KCNQ1OT1: variants seen among roughly 807,000 people sequenced by gnomAD.
The protein encoded by KCNQ1OT1 is KCNQ1 antisense RNA 2 (non-protein coding).
chr11:2,653,092 A>G lies in KCNQ1OT1; in HGVS notation n.46903T>C, dbSNP rs1849782772. ...AACATCCTCATACAGCAGGGTGTGG[A>G]GAGAGGCTCACTGAAGGTTTGGGGA... On this transcript the variant is annotated non_coding_transcript_exon_variant, in exon 1 of 1. Transcript: ENST00000597346. The surrounding 1 kb of genome is among the most constrained non-coding windows in gnomAD (Gnocchi z 5.3). 1 of 398,728 alleles carries G rather than the reference A, an allele frequency of 2.5e-6. No homozygotes were observed. Among genetic ancestry groups the G allele is most frequent in the East Asian group, 3.6e-5 (1 of 28,074 alleles). The allele number at this position is 398,728 out of a possible 1,614,324, so 24.7% of individuals were successfully genotyped here.
In KCNQ1OT1 at chr11:2,658,364, G is replaced by A. The variant is rs1187434463; in HGVS notation, n.41631C>T. On this transcript the variant is annotated non_coding_transcript_exon_variant, in exon 1 of 1. Transcript: ENST00000597346. The surrounding 1 kb of genome is among the most constrained non-coding windows in gnomAD (Gnocchi z 4.9). ...TAATTTTATCAGTGTGGATTTGGGA[G>A]TATTTATTTTTTGAGTTATAGTCCA... The A allele has an allele frequency of 2.5e-6, 1 of 398,370 alleles. No homozygotes were observed. The highest frequency in any genetic ancestry group is 4.4e-6 in the Non-Finnish European group (1 of 226,038). 24.7% of individuals were successfully genotyped at this position (398,370 alleles called of 1,614,324 possible).
exon 1 of KCNQ1OT1, chr11:2,666,120 G>A (rs1375623450): frequency 1.5e-5 from 6 of 398,606 alleles, no homozygotes. Flanking sequence ...TCTCTGAAGG[G>A]CCCCTGTCTC....
exon 1 of KCNQ1OT1, chr11:2,699,226 C>T (rs1850729686): frequency 2.5e-6 from 1 of 398,670 alleles, no homozygotes; most frequent in Non-Finnish European, 4.4e-6. Context: ...GACCTCGACC[C>T]TGGCCACGCT....
At chr11:2,635,684 T>C (rs1308833932) in exon 1 of KCNQ1OT1, 4 of 152,178 alleles carry the variant, frequency 2.6e-5, no homozygotes, top group Admixed American at 2.0e-4. Context: ...TGGTTCCATA[T>C]GAACTTTAAA....
rs1849884939 is a variant in KCNQ1OT1 at position 2,658,132 on chromosome 11, T to TA, written n.41862dup. On this transcript the variant is annotated non_coding_transcript_exon_variant, in exon 1 of 1. Transcript: ENST00000597346. This position sits in a 1 kb window ranked among gnomAD's most constrained non-coding sequence, Gnocchi z 4.9. ...TATCAAAAAAAATCTGCAAATATGT[T>TA]AAAACTACCACAGCAATTAAAATAC... 1 of 398,482 alleles carries TA rather than the reference T, an allele frequency of 2.5e-6. No homozygotes were observed. Among genetic ancestry groups the TA allele is most frequent in the African/African-American group, 2.1e-5 (1 of 48,622 alleles). The allele number at this position is 398,482 out of a possible 1,614,324, so 24.7% of individuals were successfully genotyped here. A position where few individuals can be genotyped will look rare whatever the true frequency, so the allele number is the denominator to read the frequency against.
exon 1 of KCNQ1OT1, chr11:2,636,580 G>T (rs1448779240): frequency 6.6e-6 from 1 of 151,876 alleles, no homozygotes; most frequent in African/African-American, 2.4e-5. Flanking sequence ...TGCTGGATTC[G>T]GTTTGCCAGT....
exon 1 of KCNQ1OT1, chr11:2,646,665 C>T (rs1849670750): frequency 2.5e-6 from 1 of 398,588 alleles, no homozygotes; most frequent in East Asian, 3.6e-5. Flanking sequence ...AGCTGAACTT[C>T]AGGTGCAGGC....
At position 2,645,588 on chromosome 11, in the gene KCNQ1OT1, A is replaced by G; in HGVS notation, n.54407T>C. The G allele has an allele frequency of 5.0e-6, 2 of 398,694 alleles. No individual in the cohort carries two copies. Among genetic ancestry groups the G allele is most frequent in the Non-Finnish European group, 8.8e-6 (2 of 226,128 alleles). The allele number at this position is 398,694 out of a possible 1,614,324, so 24.7% of individuals were successfully genotyped here. On this transcript the variant is annotated non_coding_transcript_exon_variant, in exon 1 of 1. Transcript: ENST00000597346. This position sits in a 1 kb window ranked among gnomAD's most constrained non-coding sequence, Gnocchi z 5.8. ...CTATAAACAGGCAGTTGGGCAATGCATGCTTCGGCCCCAGGTGGTGACTAT... is the reference window on the plus strand; with the variant it reads ...CTATAAACAGGCAGTTGGGCAATGCGTGCTTCGGCCCCAGGTGGTGACTAT...
exon 1 of KCNQ1OT1, chr11:2,685,473 T>G (rs759825350): frequency 1.5e-5 from 6 of 398,662 alleles, no homozygotes; most frequent in Non-Finnish European, 2.7e-5. Context: ...GCAACTCCCA[T>G]CTCACAGGCC....
exon 1 of KCNQ1OT1, chr11:2,644,183 T>A (rs1040155008): frequency 3.3e-5 from 13 of 398,454 alleles, no homozygotes; most frequent in Non-Finnish European, 4.9e-5. Flanking sequence ...TAAATAGGTT[T>A]TATAATCTTT....
At chr11:2,610,494 C>A in exon 1 of KCNQ1OT1, 1 of 398,256 alleles carries the variant, frequency 2.5e-6, no homozygotes. Flanking sequence ...GGTGGTATTT[C>A]CTTACTCTAG....
Position 2,677,989 on chromosome 11 carries a change from G to A in KCNQ1OT1, n.22006C>T, listed in dbSNP as rs1359269399. On this transcript the variant is annotated non_coding_transcript_exon_variant, in exon 1 of 1. Transcript: ENST00000597346. The surrounding 1 kb of genome is among the most constrained non-coding windows in gnomAD (Gnocchi z 4.5). Reference sequence around the variant, plus strand: ...TTTACATTTCTTTTGTTGGAAATGAGGTTTTTATCTTTCCAAATGCTTAAA... The same window carrying A: ...TTTACATTTCTTTTGTTGGAAATGAAGTTTTTATCTTTCCAAATGCTTAAA... The A allele has an allele frequency of 1.3e-5, 5 of 394,366 alleles. No homozygotes were observed. Among genetic ancestry groups the A allele is most frequent in the African/African-American group, 6.4e-5 (3 of 46,632 alleles). The allele number at this position is 394,366 out of a possible 1,614,324, so 24.4% of individuals were successfully genotyped here.
rs150371794 is a variant in KCNQ1OT1, at chr11:2,642,418, A to T, written n.57577T>A. Reference sequence around the variant, plus strand: ...CTTTCTCAGCTGGTTCTTTATTGGTATATAGAAATAAGCCTGATTTTTAAA... The same window carrying T: ...CTTTCTCAGCTGGTTCTTTATTGGTTTATAGAAATAAGCCTGATTTTTAAA... On this transcript the variant is annotated non_coding_transcript_exon_variant, in exon 1 of 1. Transcript: ENST00000597346. This position sits in a 1 kb window ranked among gnomAD's most constrained non-coding sequence, Gnocchi z 4.3. 4.0e-5 allele frequency: 16 copies of T among 397,988 alleles called. No homozygotes were observed. In the East Asian group the frequency reaches 5.4e-4, roughly 13 times the overall value. The allele number at this position is 397,988 out of a possible 1,614,324, so 24.7% of individuals were successfully genotyped here. A position where few individuals can be genotyped will look rare whatever the true frequency, so the allele number is the denominator to read the frequency against.
exon 1 of KCNQ1OT1, chr11:2,649,956 A>T (rs1263395092): frequency 7.5e-6 from 3 of 398,372 alleles, no homozygotes; most frequent in Non-Finnish European, 1.3e-5. Context: ...AGTGTCTCAT[A>T]TGTCACGCAG....
exon 1 of KCNQ1OT1, chr11:2,615,805 G>T (rs368213126): frequency 1.3e-5 from 5 of 397,836 alleles, no homozygotes; most frequent in East Asian, 7.1e-5. Context: ...TTAAATAAAA[G>T]ATTTTAGTAT....
Position 2,669,800 on chromosome 11 carries a change from C to T in KCNQ1OT1, n.30195G>A. 5.0e-6 allele frequency: 2 copies of T among 398,608 alleles called. No homozygotes were observed. The highest frequency in any genetic ancestry group is 8.8e-6 in the Non-Finnish European group (2 of 226,070). 24.7% of individuals were successfully genotyped at this position (398,608 alleles called of 1,614,324 possible). On this transcript the variant is annotated non_coding_transcript_exon_variant, in exon 1 of 1. Coordinates refer to ENST00000597346, the Ensembl canonical transcript of KCNQ1OT1. This position sits in a 1 kb window ranked among gnomAD's most constrained non-coding sequence, Gnocchi z 5.6. ...TCCTGTGGGGACATTCCTTATTTGG[C>T]CTGAGAGCTTTTGAGACTGCCAGGT...
chr11:2,630,698 A>T (rs1425185391), exon 1 of KCNQ1OT1: 1 of 398,192 alleles, frequency 2.5e-6, no homozygotes, highest in African/African-American at 2.1e-5. Flanking sequence ...ATATGTTTTC[A>T]TGTTACTAAT....
At chr11:2,675,754 G>A (rs925319007) in exon 1 of KCNQ1OT1, 29 of 398,588 alleles carry the variant, frequency 7.3e-5, no homozygotes, top group Non-Finnish European at 1.1e-4. Flanking sequence ...ATGAACCAGA[G>A]ACTCACAGCA....
At position 2,627,486 on chromosome 11, in the gene KCNQ1OT1, T is replaced by G. The variant is rs566934658; in HGVS notation, n.72509A>C. ...ACTCCCTGACCCCTAGTAACCACCC[T>G]TCTACTCTCCGTTTCTCTGAGTTCA... On this transcript the variant is annotated non_coding_transcript_exon_variant, in exon 1 of 1. Coordinates refer to ENST00000597346, the Ensembl canonical transcript of KCNQ1OT1. This position sits in a 1 kb window ranked among gnomAD's most constrained non-coding sequence, Gnocchi z 4.9. The G allele has an allele frequency of 7.5e-6, 3 of 398,544 alleles. No homozygotes were observed. The Admixed American group carries it at 1.3e-4, about 18-fold the overall frequency. 24.7% of individuals were successfully genotyped at this position (398,544 alleles called of 1,614,324 possible). A position where few individuals can be genotyped will look rare whatever the true frequency, so the allele number is the denominator to read the frequency against.
Sources: gnomAD v4.1 joint callset for allele counts on GRCh38, gnomAD v4.1.1 for gene constraint, Gnocchi (gnomAD v3.1) non-coding constraint, MANE v1.5 for transcripts, NCBI Gene and HGNC (gene_info 2026-07-23, HGNC 2026-07-21) for gene names.